Variants in DHX30 observed in about 807,000 individuals in gnomAD.
DHX30 encodes ATP-dependent RNA helicase DHX30.
DHX30 carries 4 observed loss-of-function variants against 116.9 expected under a neutral mutation model. That is an observed-to-expected ratio of 0.03 (90% CI 0.02 to 0.08). The LOEUF is 0.08. Among genes scored for constraint, DHX30 ranks in the 10% least tolerant of loss-of-function variants. The pLI, the probability that DHX30 is intolerant of heterozygous loss-of-function variation, is 1.00. For synonymous variants in DHX30, 697 were observed against 651.7 expected (o/e 1.07, Z -1.06); for missense variants, 871 against 1,595.1 (o/e 0.55, Z 7.73).
intron 3 of DHX30, among the ~76,000 whole-genome samples, chr3:47,811,531 T>C (rs2035789417): frequency 1.3e-5 from 2 of 152,128 alleles, no homozygotes; most frequent in African/African-American, 4.8e-5. Flanking sequence ...TGAGTCTGTA[T>C]TAGGCTGTTC....
intron 5 of DHX30, among the ~76,000 whole-genome samples, chr3:47,828,485 GAT>G (rs1405629458): frequency 6.7e-5 from 9 of 134,760 alleles, no homozygotes; most frequent in Non-Finnish European, 9.5e-5. Flanking sequence ...AAAAAAAAAA[GAT>G]GAGGCTGGGC....
chr3:47,815,470 G>T lies in DHX30; in HGVS notation c.29-2552G>T, dbSNP rs115791305. Among the ~76,000 whole-genome samples the T allele has an allele frequency of 9.1e-3, 1,387 of 152,220 alleles. 22 individuals are homozygous for T. The highest frequency in any genetic ancestry group is 0.043 in the South Asian group (207 of 4,826). ...GGAGCTTATAGCCTCAATAGGATGG[G>T]CCATTTGATGGTTCTGATGGAAACA... On this transcript the variant is annotated intron_variant, in intron 3 of 21. Transcript: ENST00000445061.
intron 9 of DHX30, among the ~76,000 whole-genome samples, chr3:47,844,278 A>G (rs2037502103): frequency 6.6e-6 from 1 of 152,188 alleles, no homozygotes; most frequent in Non-Finnish European, 1.5e-5. Context: ...GGGACAGGCA[A>G]TTGGTGAGAT....
intron 6 of DHX30, among the ~76,000 whole-genome samples, chr3:47,834,134 C>T (rs934188076): frequency 3.3e-5 from 5 of 152,072 alleles, no homozygotes; most frequent in Non-Finnish European, 7.4e-5. Flanking sequence ...GACCAAGTCT[C>T]GGCCTGTTGC....
rs376205208 is a variant in DHX30, at chr3:47,816,508, C to T, written c.29-1514C>T. On this transcript the variant is annotated intron_variant, in intron 3 of 21. Transcript: ENST00000445061. Reference sequence around the variant, plus strand: ...GAGTAGCTGGGACTACAGGCACACGCCACCATGCCCTGCCAATTTTTGTAT... The same window carrying T: ...GAGTAGCTGGGACTACAGGCACACGTCACCATGCCCTGCCAATTTTTGTAT... The T allele has an allele frequency of 1.5e-5, 14 of 926,970 alleles. No homozygotes were observed. In the East Asian group the frequency reaches 1.4e-3, roughly 93 times the overall value. 57.4% of individuals were successfully genotyped at this position (926,970 alleles called of 1,614,324 possible). A position where few individuals can be genotyped will look rare whatever the true frequency, so the allele number is the denominator to read the frequency against.
Position 47,848,398 on chromosome 3 carries a change from C to CGGGGCA in DHX30, c.2493+18_2493+23dup, listed in dbSNP as rs1182579285. The CGGGGCA allele has an allele frequency of 6.8e-6, 11 of 1,613,830 alleles. No homozygotes were observed. The highest frequency in any genetic ancestry group is 9.3e-6 in the Non-Finnish European group (11 of 1,179,948). On this transcript the variant is annotated intron_variant, in intron 15 of 21. Coordinates refer to ENST00000445061, the MANE Select transcript of DHX30 (RefSeq NM_138615.3). This position sits in a 1 kb window ranked among gnomAD's most constrained non-coding sequence, Gnocchi z 9.4. ...TGCCTGAGAAGACGGTGCGGCGGGG[C>CGGGGCA]GGGGCAGGGGCTGGCCTGGGGACCA...
At chr3:47,813,518 T>A (rs2035894920) in intron 3 of DHX30, among the ~76,000 whole-genome samples, 1 of 152,176 alleles carries the variant, frequency 6.6e-6, no homozygotes, top group South Asian at 2.1e-4. Context: ...TCCTGAGAGC[T>A]TTGTATTTCT....
rs1559728739 is a variant in DHX30 at position 47,850,015 on chromosome 3, T to A, written c.3480T>A (p.Leu1160=). Residue 1160 remains leucine, a synonymous_variant, in exon 22 of 22, where the codon CTT becomes CTA. Coordinates refer to ENST00000445061, the MANE Select transcript of DHX30 (RefSeq NM_138615.3). The part of the protein sequence containing the change: ...ERSLRSELAA[L]PPSVQEEHGQ... ...GCCTGCGCAGCGAGCTGGCTGCACT[T>A]CCCCCCAGCGTACAGGAGGAGCACG... The A allele has an allele frequency of 5.6e-6, 9 of 1,610,698 alleles. No individual in the cohort carries two copies. Among genetic ancestry groups the A allele is most frequent in the Middle Eastern group, 3.3e-4 (2 of 6,024 alleles).
Position 47,807,680 on chromosome 3 carries a change from G to A in DHX30, c.-28+2260G>A, listed in dbSNP as rs917841036. Among the ~76,000 whole-genome samples, 3 of 145,796 alleles carry A rather than the reference G, an allele frequency of 2.1e-5. No homozygotes were observed. In the Admixed American group the frequency reaches 2.1e-4, roughly 10 times the overall value. On this transcript the variant is annotated intron_variant, in intron 2 of 21. Coordinates refer to ENST00000445061, the MANE Select transcript of DHX30 (RefSeq NM_138615.3). Reference sequence around the variant, plus strand: ...ATATTACGCCATTGCCCTCCAACCTGGTGACAGAGCGAGACTCTGTCTCAA... The same window carrying A: ...ATATTACGCCATTGCCCTCCAACCTAGTGACAGAGCGAGACTCTGTCTCAA...
intron 4 of DHX30, among the ~76,000 whole-genome samples, chr3:47,822,690 C>T (rs1001299273): frequency 9.2e-5 from 14 of 152,062 alleles, no homozygotes; most frequent in Admixed American, 8.5e-4. Context: ...GAGACTGAGA[C>T]AGGAGAATCG....
intron 6 of DHX30, among the ~76,000 whole-genome samples, chr3:47,838,166 C>T (rs762426412): frequency 6.6e-6 from 1 of 152,286 alleles, no homozygotes; most frequent in Non-Finnish European, 1.5e-5. Flanking sequence ...AGCCTTGGAT[C>T]GGGCCCTGCC....
Position 47,848,084 on chromosome 3 carries a change from T to C in DHX30, c.2287-96T>C. 1 of 1,583,022 alleles carries C rather than the reference T, an allele frequency of 6.3e-7. No individual in the cohort carries two copies. Among genetic ancestry groups the C allele is most frequent in the South Asian group, 1.1e-5 (1 of 88,332 alleles). ...GAAGGCCGCGCTTGTGGGGTCTCAGTGTTCCTGATGTAGGGGGCTGGTGAG... is the reference window on the plus strand; with the variant it reads ...GAAGGCCGCGCTTGTGGGGTCTCAGCGTTCCTGATGTAGGGGGCTGGTGAG... On this transcript the variant is annotated intron_variant, in intron 14 of 21. Transcript: ENST00000445061. The surrounding 1 kb of genome is among the most constrained non-coding windows in gnomAD (Gnocchi z 9.4).
rs2037670513 is a variant in DHX30, at chr3:47,847,525, T to G, written c.2099T>G (p.Leu700Arg). 6.2e-7 allele frequency: 1 copy of G among 1,608,176 alleles called. No homozygotes were observed. The highest frequency in any genetic ancestry group is 8.5e-7 in the Non-Finnish European group (1 of 1,177,084). ...EALGMHESKY[L>R]ILPVHSNIPM... Reference sequence around the variant, plus strand: ...CTGGGCATGCACGAGAGCAAGTACCTCATCCTGCCAGGTGAGAGCCCCGGC... The same window carrying G: ...CTGGGCATGCACGAGAGCAAGTACCGCATCCTGCCAGGTGAGAGCCCCGGC... The change falls in exon 13 of 22, where the codon CTC (leucine) becomes CGC (arginine). Residue 700 changes from leucine (L) to arginine (R), a missense_variant. Leu to Arg is a moderately radical substitution (Grantham distance 102). Coordinates refer to ENST00000445061, the MANE Select transcript of DHX30 (RefSeq NM_138615.3). The surrounding 1 kb of genome is among the most constrained non-coding windows in gnomAD (Gnocchi z 5.5).
chr3:47,827,381 C>T lies in DHX30; in HGVS notation c.159C>T (p.Pro53=). ...SRDLLKEFPQ[P]KNLLNSVIGR... ...ACCTATTAAAAGAGTTCCCACAGCCCAAAAATCTTCTCAACAGTGTGATTG... is the reference window on the plus strand; with the variant it reads ...ACCTATTAAAAGAGTTCCCACAGCCTAAAAATCTTCTCAACAGTGTGATTG... Residue 53 remains proline (P), a synonymous_variant, in exon 5 of 22, where the codon CCC becomes CCT. Coordinates refer to ENST00000445061, the MANE Select transcript of DHX30 (RefSeq NM_138615.3). 6.2e-7 allele frequency: 1 copy of T among 1,613,540 alleles called. No homozygotes were observed. Among genetic ancestry groups the T allele is most frequent in the South Asian group, 1.1e-5 (1 of 90,974 alleles).
At chr3:47,832,941 T>C (rs965755024) in intron 6 of DHX30, among the ~76,000 whole-genome samples, 1 of 130,282 alleles carries the variant, frequency 7.7e-6, no homozygotes, top group Non-Finnish European at 1.6e-5. Context: ...GCCTGGCCTC[T>C]TTTTTTTTTT....
In DHX30 at chr3:47,846,549, C is replaced by T. The variant is rs2037616268; in HGVS notation, c.1477C>T (p.Arg493Cys). Residue 493 changes from arginine to cysteine, a missense_variant, in exon 11 of 22, where the codon CGC (arginine) becomes TGC (cysteine). By Grantham distance (180) the Arg-to-Cys change is radical. Coordinates refer to ENST00000445061, the MANE Select transcript of DHX30 (RefSeq NM_138615.3). ...RCNVIITQPR[R>C]ISAVSVAQRV... ...CAATGTTATCATCACCCAACCTCGCCGCATCTCTGCTGTGTCTGTGGCACA... is the reference window on the plus strand; with the variant it reads ...CAATGTTATCATCACCCAACCTCGCTGCATCTCTGCTGTGTCTGTGGCACA... The T allele has an allele frequency of 1.2e-6, 2 of 1,614,010 alleles. No homozygotes were observed. The highest frequency in any genetic ancestry group is 1.7e-6 in the Non-Finnish European group (2 of 1,180,050).
At chr3:47,824,991 C>T in intron 4 of DHX30, 1 of 549,052 alleles carries the variant, frequency 1.8e-6, no homozygotes, top group South Asian at 2.2e-5. Context: ...CTCCCGTTCT[C>T]TTCGCCCGGT....
rs1167808763 is a variant in DHX30, at chr3:47,829,330, T to TC, written c.366+198dup. On this transcript the variant is annotated intron_variant, in intron 6 of 21. Transcript: ENST00000445061. ...TATATATATATTTTTTTTTTTTTTT[T>TC]CCTGTGTTTTTGGTTTTTTTTTTTT... Among the ~76,000 whole-genome samples the TC allele has an allele frequency of 1.1e-3, 135 of 119,206 alleles. 1 individual carries two copies. The highest frequency in any genetic ancestry group is 2.0e-3 in the Non-Finnish European group (115 of 57,224). 78.2% of individuals were successfully genotyped at this position (119,206 alleles called of 152,430 possible).
chr3:47,835,170 ATTTTTTT>A (rs552610417), intron 6 of DHX30, among the ~76,000 whole-genome samples: 62 of 106,504 alleles, frequency 5.8e-4, no homozygotes, highest in African/African-American at 2.1e-3. Context: ...TGCCTGGCTA[ATTTTTTT>A]TTTTTTTTTT....
Sources: gnomAD v4.1 joint callset for allele counts (sites outside exome capture counted in the v4.1 genomes callset) on GRCh38, gnomAD v4.1.1 for gene constraint, Gnocchi (gnomAD v3.1) non-coding constraint, MANE v1.5 for transcripts, NCBI Gene and HGNC (gene_info 2026-07-23, HGNC 2026-07-21) for gene names.